The following CSMD1 variants were observed in gnomAD, a reference collection of about 807,000 sequenced individuals.
The protein encoded by CSMD1 is CUB and Sushi multiple domains 1.
Under a neutral mutation model 417.5 loss-of-function variants are expected in CSMD1, and 213 were observed. That is an observed-to-expected ratio of 0.51 (90% CI 0.46 to 0.57). The LOEUF is 0.57. Ranked by LOEUF, CSMD1 falls within the 20% of genes least tolerant of loss-of-function variation. CSMD1 has a pLI of 0.00. For synonymous variants in CSMD1, 2,862 were observed against 1,736.8 expected (o/e 1.65, Z -16.11); for missense variants, 6,923 against 4,529.7 (o/e 1.53, Z -15.17).
intron 3 of CSMD1, among the ~76,000 whole-genome samples, chr8:4,324,308 C>A (rs953451240): frequency 1.3e-5 from 2 of 152,162 alleles, no homozygotes; most frequent in African/African-American, 2.4e-5. Context: ...ATTAACTAAA[C>A]AGCAACCTCG....
At chr8:2,991,785 C>G (rs1585106647) in intron 54 of CSMD1, among the ~76,000 whole-genome samples, 3 of 152,258 alleles carry the variant, frequency 2.0e-5, no homozygotes, top group East Asian at 1.9e-4. Flanking sequence ...GGCTGTATTT[C>G]CCATCTGAGA....
chr8:4,461,057 A>G (rs1799785728), intron 2 of CSMD1, among the ~76,000 whole-genome samples: 2 of 152,152 alleles, frequency 1.3e-5, no homozygotes, highest in South Asian at 2.1e-4. Flanking sequence ...AAAGCATTAT[A>G]TACTGTGTCC....
chr8:4,719,713 T>C (rs1179530119), intron 1 of CSMD1, among the ~76,000 whole-genome samples: 1 of 152,214 alleles, frequency 6.6e-6, no homozygotes, highest in Non-Finnish European at 1.5e-5. Flanking sequence ...CAGTAAAAGC[T>C]ACCCAGTTTT....
At chr8:3,821,108 G>C (rs1484413307) in intron 5 of CSMD1, among the ~76,000 whole-genome samples, 1 of 151,846 alleles carries the variant, frequency 6.6e-6, no homozygotes. Context: ...AGTAGAAATG[G>C]AGTTTCACCA....
In CSMD1 at chr8:3,284,245, G is replaced by A; in HGVS notation, c.4052C>T (p.Ser1351Phe). The A allele has an allele frequency of 1.2e-6, 2 of 1,613,652 alleles. No individual in the cohort carries two copies. Among genetic ancestry groups the A allele is most frequent in the Admixed American group, 1.7e-5 (1 of 59,994 alleles). ...GCTGTGGATGTCCTCCGGAAGGGCGGAGCCACTCCACTCCTTCAGCAGGAT... is the reference window on the plus strand; with the variant it reads ...GCTGTGGATGTCCTCCGGAAGGGCGAAGCCACTCCACTCCTTCAGCAGGAT... The part of the protein sequence containing the change: ...SDILLKEWSG[S>F]ALPEDIHSTF... The change falls in exon 26 of 70, where the codon TCC becomes TTC. Residue 1351 changes from serine to phenylalanine, a missense_variant. Coordinates refer to ENST00000635120, the MANE Select transcript of CSMD1 (RefSeq NM_033225.6).
At chr8:4,813,040 C>A (rs763530653) in intron 1 of CSMD1, among the ~76,000 whole-genome samples, 7 of 152,182 alleles carry the variant, frequency 4.6e-5, no homozygotes, top group African/African-American at 7.2e-5. Context: ...AAACAAAACA[C>A]AAACCCATTT....
intron 12 of CSMD1, among the ~76,000 whole-genome samples, chr8:3,439,991 C>A (rs1814868125): frequency 6.6e-6 from 1 of 152,276 alleles, no homozygotes; most frequent in African/African-American, 2.4e-5. Context: ...CCTGGGCTTT[C>A]TATTCCATTC....
chr8:3,145,590 G>C (rs1242239342), intron 40 of CSMD1, among the ~76,000 whole-genome samples: 4 of 152,136 alleles, frequency 2.6e-5, no homozygotes, highest in Admixed American at 2.0e-4. Context: ...AAATTATACA[G>C]CCACATATCA....
chr8:3,910,352 T>C (rs2627412), intron 5 of CSMD1, among the ~76,000 whole-genome samples: 3 of 152,012 alleles, frequency 2.0e-5, no homozygotes, highest in African/African-American at 4.8e-5. Flanking sequence ...GGGTGGCAGG[T>C]GCACCGAGGC....
At chr8:4,768,689 C>G (rs912492326) in intron 1 of CSMD1, among the ~76,000 whole-genome samples, 1 of 152,160 alleles carries the variant, frequency 6.6e-6, no homozygotes, top group African/African-American at 2.4e-5. Flanking sequence ...TTGGCGTTCC[C>G]AAACACTTAC....
chr8:3,086,827 T>C (rs1385846989), intron 49 of CSMD1, among the ~76,000 whole-genome samples: 2 of 152,212 alleles, frequency 1.3e-5, no homozygotes, highest in Non-Finnish European at 2.9e-5. Context: ...TTGGATGACA[T>C]GTTTTTTACT....
Position 3,470,381 on chromosome 8 carries a change from G to C in CSMD1, c.1449-1557C>G, listed in dbSNP as rs112561883. 4.7e-4 allele frequency among the ~76,000 whole-genome samples: 72 copies of C among 152,046 alleles called. 2 individuals carry two copies. The highest frequency in any genetic ancestry group is 5.9e-4 in the Admixed American group (9 of 15,258). ...TTAAGATAATTGTGGATACACATGT[G>C]GTAGGTAGTACAAAATAATATAAAG... On this transcript the variant is annotated intron_variant, in intron 11 of 69. Transcript: ENST00000635120.
chr8:3,229,852 C>T lies in CSMD1; in HGVS notation c.4345+188G>A, dbSNP rs536119407. The stretch of plus-strand genomic sequence containing the variant: ...TACTGTACCTTAAGGGGATGACTTC[C>T]TTTATTCTACCTCATAAAATAAAGT... On this transcript the variant is annotated intron_variant, in intron 27 of 69. Transcript: ENST00000635120. Among the ~76,000 whole-genome samples the T allele has an allele frequency of 2.6e-5, 4 of 152,240 alleles. No individual in the cohort carries two copies. The South Asian group carries it at 8.3e-4, about 32-fold the overall frequency.
At chr8:3,375,233 T>A (rs1810229052) in intron 18 of CSMD1, 1 of 152,200 alleles carries the variant, frequency 6.6e-6, no homozygotes, top group Admixed American at 6.5e-5. Flanking sequence ...TCCTGTATCC[T>A]CCTAGTGACA....
intron 26 of CSMD1, among the ~76,000 whole-genome samples, chr8:3,267,708 C>T (rs905211352): frequency 9.9e-5 from 15 of 152,206 alleles, no homozygotes; most frequent in Non-Finnish European, 8.8e-5. Context: ...AACGGGCTGA[C>T]ATCTGATGTT....
intron 6 of CSMD1, among the ~76,000 whole-genome samples, chr8:3,716,181 G>T (rs1476795154): frequency 6.6e-6 from 1 of 152,176 alleles, no homozygotes; most frequent in Admixed American, 6.5e-5. Context: ...AGGGATGGGT[G>T]TTGCCTATGG....
intron 1 of CSMD1, among the ~76,000 whole-genome samples, chr8:4,722,669 GA>G (rs141681001): frequency 0.037 from 5,599 of 150,942 alleles, 111 homozygotes; most frequent in East Asian, 0.081. Context: ...ATCCTCAGCG[GA>G]AAAAAAAAGT....
intron 3 of CSMD1, among the ~76,000 whole-genome samples, chr8:4,281,836 C>T (rs1021563195): frequency 3.3e-5 from 5 of 152,108 alleles, no homozygotes; most frequent in African/African-American, 1.2e-4. Flanking sequence ...TCTAGAGCTG[C>T]CTCATAAACA....
chr8:4,013,594 C>A (rs1327312244), intron 4 of CSMD1, among the ~76,000 whole-genome samples: 4 of 152,180 alleles, frequency 2.6e-5, no homozygotes, highest in Admixed American at 2.0e-4. Context: ...AACAGGACAG[C>A]AAAGTTTATC....
Sources: allele counts gnomAD v4.1 joint callset (sites outside exome capture counted in the v4.1 genomes callset), GRCh38; gene constraint gnomAD v4.1.1; transcripts MANE v1.5; gene names NCBI Gene and HGNC (gene_info 2026-07-23, HGNC 2026-07-21).